SEL1L: variants seen among roughly 807,000 people sequenced by gnomAD.
The protein encoded by SEL1L is protein sel-1 homolog 1.
Under a neutral mutation model 109.8 loss-of-function variants are expected in SEL1L, and 52 were observed. The ratio of observed to expected loss-of-function variants is 0.47; its 90% CI spans 0.38 to 0.60. SEL1L has a LOEUF of 0.60. Ranked by LOEUF, SEL1L falls within the 20% of genes least tolerant of loss-of-function variation. The pLI is 0.00. For missense variants in SEL1L, 749 were observed against 962.2 expected (o/e 0.78, Z 2.93); for synonymous variants, 373 against 339.6 (o/e 1.10, Z -1.08).
In SEL1L at chr14:81,483,056, T is replaced by C. The variant is rs531741618; in HGVS notation, c.2046+1169A>G. Among the ~76,000 whole-genome samples, 7 of 152,326 alleles carry C rather than the reference T, an allele frequency of 4.6e-5. No individual in the cohort carries two copies. The East Asian group carries it at 5.8e-4, about 13-fold the overall frequency. ...AGGGACCTATCAAGTAGTCAGGAGA[T>C]TGATCATTAAAAATAATTTCTAATG... On this transcript the variant is annotated intron_variant, in intron 19 of 20. Transcript: ENST00000336735.
At chr14:81,487,560 C>A (rs780215695) in intron 15 of SEL1L, 22 bp from the exon 16 acceptor site, 1 of 1,587,492 alleles carries the variant, frequency 6.3e-7, no homozygotes, top group Non-Finnish European at 8.5e-7. Flanking sequence ...AAAAAAATCA[C>A]ACGAGATAAT....
chr14:81,503,598 A>G (rs1884108673), intron 5 of SEL1L, among the ~76,000 whole-genome samples: 1 of 152,196 alleles, frequency 6.6e-6, no homozygotes, highest in Non-Finnish European at 1.5e-5. Context: ...TCTCCCTGTT[A>G]TCCTAATATC....
chr14:81,516,563 G>T (rs1421857451), intron 3 of SEL1L, among the ~76,000 whole-genome samples: 8 of 152,170 alleles, frequency 5.3e-5, no homozygotes, highest in Admixed American at 5.2e-4. Context: ...CTGGGCATTA[G>T]AAGGAACAAA....
intron 3 of SEL1L, among the ~76,000 whole-genome samples, chr14:81,516,150 G>A (rs1357470611): frequency 6.6e-6 from 1 of 152,214 alleles, no homozygotes; most frequent in Non-Finnish European, 1.5e-5. Flanking sequence ...CCCCCAACCA[G>A]ATGATCCAAC....
chr14:81,477,050 C>A lies in SEL1L; in HGVS notation c.2307G>T (p.Met769Ile). Residue 769 changes from methionine (M) to isoleucine (I), a missense_variant, in exon 21 of 21, where the codon ATG becomes ATT. Around this residue, in one of 2 missense-constraint regions of SEL1L, gnomAD observed 383 missense variants for 562.5 expected, o/e 0.68. Coordinates refer to ENST00000336735, the MANE Select transcript of SEL1L (RefSeq NM_005065.6). Reference protein sequence around the residue: ...IAYRQRQHQDMPAPRPPGPRP... With the variant: ...IAYRQRQHQDIPAPRPPGPRP... The stretch of plus-strand genomic sequence containing the variant: ...GTGGCCCTGGAGGCCTGGGTGCAGG[C>A]ATGTCTTGGTGCTGCCTTTGCCTGT... 1 of 1,614,170 alleles carries A rather than the reference C, an allele frequency of 6.2e-7. No homozygotes were observed. Among genetic ancestry groups the A allele is most frequent in the Non-Finnish European group, 8.5e-7 (1 of 1,180,052 alleles).
At chr14:81,515,563 A>T (rs1884667864) in intron 3 of SEL1L, among the ~76,000 whole-genome samples, 1 of 152,198 alleles carries the variant, frequency 6.6e-6, no homozygotes, top group South Asian at 2.1e-4. Flanking sequence ...TGGAGTCATA[A>T]ACATCTGCTG....
chr14:81,504,065 A>G (rs1336119408), intron 5 of SEL1L, 136 bp downstream of exon 5: 2 of 509,932 alleles, frequency 3.9e-6, no homozygotes, highest in Non-Finnish European at 7.0e-6. Context: ...CCCGTAAGTT[A>G]TATTACATTT....
chr14:81,480,545 C>A (rs1161970938), intron 19 of SEL1L, among the ~76,000 whole-genome samples: 1 of 152,096 alleles, frequency 6.6e-6, no homozygotes, highest in Non-Finnish European at 1.5e-5. Flanking sequence ...GCAACATAAA[C>A]TGTCTCTACA....
At chr14:81,488,204 G>A (rs1883394578) in intron 14 of SEL1L, among the ~76,000 whole-genome samples, 1 of 152,100 alleles carries the variant, frequency 6.6e-6, no homozygotes, top group African/African-American at 2.4e-5. Flanking sequence ...AAAACTAGTA[G>A]AACATCAGAC....
At chr14:81,514,955 T>C (rs1434296665) in intron 3 of SEL1L, among the ~76,000 whole-genome samples, 2 of 152,138 alleles carry the variant, frequency 1.3e-5, no homozygotes, top group Admixed American at 6.5e-5. Context: ...TGGAGTGAAA[T>C]ACCTTATGTC....
chr14:81,521,159 G>A (rs544838962), intron 3 of SEL1L, among the ~76,000 whole-genome samples: 6 of 152,150 alleles, frequency 3.9e-5, no homozygotes, highest in Admixed American at 1.3e-4. Flanking sequence ...AGAAGTTATC[G>A]GTATGAAAGA....
In SEL1L at chr14:81,502,868, G is replaced by C. The variant is rs374388336; in HGVS notation, c.630C>G (p.Leu210=). The C allele has an allele frequency of 2.7e-5, 44 of 1,610,924 alleles. No individual in the cohort carries two copies. The African/African-American group carries it at 5.2e-4, about 19-fold the overall frequency. The change falls in exon 6 of 21, where the codon CTC becomes CTG. Residue 210 remains leucine, a synonymous_variant. Coordinates refer to ENST00000336735, the MANE Select transcript of SEL1L (RefSeq NM_005065.6). Reference sequence around the variant, plus strand: ...TATGGTTCATGCTTGCTGCCTTTTGGAGATACCGATATGCTCTTCAAATGT... The same window carrying C: ...TATGGTTCATGCTTGCTGCCTTTTGCAGATACCGATATGCTCTTCAAATGT... ...KSQKREAYRY[L]QKAASMNHTK...
intron 3 of SEL1L, among the ~76,000 whole-genome samples, chr14:81,510,712 T>C (rs1165194844): frequency 6.6e-6 from 1 of 152,158 alleles, no homozygotes; most frequent in Non-Finnish European, 1.5e-5. Context: ...GAAAATTATC[T>C]ATTAGGCTGT....
In SEL1L at chr14:81,473,189, T is replaced by G. The variant is rs17847452; in HGVS notation, c.*3783A>C. On this transcript the variant is annotated 3_prime_UTR_variant, in exon 21 of 21. Transcript: ENST00000336735. ...TATCAACATTATGAGTTTTATGAGT[T>G]TATTTTCTAATCAAAGAGAATAGTG... The G allele has an allele frequency of 6.6e-6, 1 of 152,244 alleles. No individual in the cohort carries two copies. Among genetic ancestry groups the G allele is most frequent in the East Asian group, 1.9e-4 (1 of 5,202 alleles). 9.4% of individuals were successfully genotyped at this position (152,244 alleles called of 1,614,324 possible).
intron 10 of SEL1L, among the ~76,000 whole-genome samples, chr14:81,495,377 G>A (rs1378556681): frequency 2.0e-5 from 3 of 152,194 alleles, no homozygotes; most frequent in East Asian, 1.9e-4. Flanking sequence ...GGTGGCTCAC[G>A]CCTGTAACCT....
At chr14:81,521,509 A>G (rs1003278700) in intron 3 of SEL1L, among the ~76,000 whole-genome samples, 3 of 152,248 alleles carry the variant, frequency 2.0e-5, no homozygotes, top group African/African-American at 7.2e-5. Context: ...TTCTTGGCCA[A>G]TGACAGACTG....
intron 13 of SEL1L, 132 bp downstream of exon 13, chr14:81,490,256 A>G: frequency 1.5e-6 from 1 of 647,270 alleles, no homozygotes; most frequent in East Asian, 3.2e-5. Flanking sequence ...ATTCACATGA[A>G]TCATACTTAA....
At position 81,480,861 on chromosome 14, in the gene SEL1L, C is replaced by T. The variant is rs888923491; in HGVS notation, c.2047-1121G>A. On this transcript the variant is annotated intron_variant, in intron 19 of 20. Transcript: ENST00000336735. ...CTGTATGCACAGCAACGTTTCTCTG[C>T]TTCGCTTTGCTAAAGGAAGGCACAG... Among the ~76,000 whole-genome samples, 3 of 152,286 alleles carry T rather than the reference C, an allele frequency of 2.0e-5. No individual in the cohort carries two copies. In the South Asian group the frequency reaches 6.2e-4, roughly 32 times the overall value.
intron 3 of SEL1L, among the ~76,000 whole-genome samples, chr14:81,512,522 G>A (rs1324328804): frequency 6.6e-6 from 1 of 152,156 alleles, no homozygotes; most frequent in Non-Finnish European, 1.5e-5. Flanking sequence ...TCTTCCTGAG[G>A]ACCCAGGCCC....
Sources: gnomAD v4.1 joint callset for allele counts (sites outside exome capture counted in the v4.1 genomes callset) on GRCh38, gnomAD v4.1.1 for gene constraint, gnomAD v4.1.1 regional missense constraint, MANE v1.5 for transcripts, NCBI Gene and HGNC (gene_info 2026-07-23, HGNC 2026-07-21) for gene names.